PABPC4L: variants seen among roughly 807,000 people sequenced by gnomAD.
The protein encoded by PABPC4L is poly(A) binding protein cytoplasmic 4 like.
For missense variants in PABPC4L, 452 were observed against 451.4 expected, an observed-to-expected ratio of 1.00 and a Z score of -0.01; for synonymous variants, 169 against 164.1, an observed-to-expected ratio of 1.03 and a Z score of -0.23.
the PABPC4L span, among the ~76,000 whole-genome samples, chr4:134,002,758 CACA>C: frequency 1.3e-5 from 2 of 151,918 alleles, no homozygotes; most frequent in African/African-American, 4.8e-5. Context: ...AGTGCAATTA[CACA>C]ACAAGAGAAA....
the PABPC4L span, among the ~76,000 whole-genome samples, chr4:134,187,386 C>T: frequency 2.6e-5 from 4 of 151,896 alleles, no homozygotes; most frequent in African/African-American, 4.8e-5. Context: ...AGTTCATGTC[C>T]TTTGTAGGGA....
the PABPC4L span, among the ~76,000 whole-genome samples, chr4:134,168,030 T>C: frequency 6.6e-6 from 1 of 152,002 alleles, no homozygotes; most frequent in Non-Finnish European, 1.5e-5. Flanking sequence ...AGATAGTATA[T>C]GTGTTAGGCC....
At chr4:133,962,802 C>G in the PABPC4L span, among the ~76,000 whole-genome samples, 116 of 152,252 alleles carry the variant, frequency 7.6e-4, no homozygotes, top group Non-Finnish European at 1.1e-3. Context: ...CAAACAAATG[C>G]TGAGAAAATT....
the PABPC4L span, among the ~76,000 whole-genome samples, chr4:134,144,639 C>T: frequency 6.7e-6 from 1 of 149,894 alleles, no homozygotes. Flanking sequence ...TTTAAACCTA[C>T]TATAAACTAG....
chr4:133,979,531 A>G, the PABPC4L span, among the ~76,000 whole-genome samples: 3 of 152,244 alleles, frequency 2.0e-5, no homozygotes, highest in South Asian at 4.1e-4. Context: ...AAGCTTCTTC[A>G]CTATAGGACT....
chr4:134,106,048 T>A, the PABPC4L span, among the ~76,000 whole-genome samples: 3,790 of 151,784 alleles, frequency 0.025, 138 homozygotes, highest in African/African-American at 0.085. Flanking sequence ...CTTCTTTAGA[T>A]GAATTCCTTA....
the PABPC4L span, among the ~76,000 whole-genome samples, chr4:134,158,076 G>A: frequency 9.6e-3 from 1,463 of 151,830 alleles, 10 homozygotes; most frequent in Non-Finnish European, 0.016. Flanking sequence ...ACTTTTTCAA[G>A]TTCTATTGTT....
chr4:134,195,718 A>G (rs1490066148), downstream of PABPC4L, among the ~76,000 whole-genome samples: 12 of 151,654 alleles, frequency 7.9e-5, no homozygotes, highest in African/African-American at 2.9e-4. Flanking sequence ...GGCAACTACA[A>G]TTTAGTTCAG....
At chr4:134,099,735 G>A in the PABPC4L span, among the ~76,000 whole-genome samples, 1 of 151,500 alleles carries the variant, frequency 6.6e-6, no homozygotes, top group African/African-American at 2.4e-5. Context: ...TTACTACAGG[G>A]ATGTAATCCT....
chr4:134,033,952 A>C, the PABPC4L span, among the ~76,000 whole-genome samples: 2 of 152,016 alleles, frequency 1.3e-5, no homozygotes, highest in Non-Finnish European at 1.5e-5. Flanking sequence ...ATAGATTTTC[A>C]ATACATATAT....
the PABPC4L span, among the ~76,000 whole-genome samples, chr4:134,032,648 G>C: frequency 6.6e-6 from 1 of 151,784 alleles, no homozygotes; most frequent in Admixed American, 6.6e-5. Flanking sequence ...AAGAAGATAA[G>C]GCCTGGTATG....
chr4:134,013,871 C>G, the PABPC4L span, among the ~76,000 whole-genome samples: 1 of 151,916 alleles, frequency 6.6e-6, no homozygotes, highest in Non-Finnish European at 1.5e-5. Flanking sequence ...GGCTCCACTC[C>G]TCCACCCTAT....
At chr4:134,041,300 A>G in the PABPC4L span, among the ~76,000 whole-genome samples, 2 of 152,168 alleles carry the variant, frequency 1.3e-5, 1 homozygote, top group South Asian at 4.1e-4. Context: ...CACTGTTCAC[A>G]ATAGCAAAGA....
At chr4:133,955,032 CAT>C in the PABPC4L span, among the ~76,000 whole-genome samples, 3 of 151,794 alleles carry the variant, frequency 2.0e-5, no homozygotes, top group Non-Finnish European at 4.4e-5. Flanking sequence ...CTATTACAAA[CAT>C]AAATATTAAA....
At chr4:134,088,938 G>T in the PABPC4L span, among the ~76,000 whole-genome samples, 1 of 152,070 alleles carries the variant, frequency 6.6e-6, no homozygotes, top group South Asian at 2.1e-4. Context: ...GACTGGTGAA[G>T]AAATGTATTT....
In PABPC4L at chr4:134,199,750, A is replaced by G. The variant is rs982409936; in HGVS notation, c.*157T>C. On this transcript the variant is annotated 3_prime_UTR_variant, in exon 2 of 2. Transcript: ENST00000421491. ...TCCATCTATTTTTCCACAAAAGAAAAAAAATGGCTTTGTATAAAAAACGTT... is the reference window on the plus strand; with the variant it reads ...TCCATCTATTTTTCCACAAAAGAAAGAAAATGGCTTTGTATAAAAAACGTT... 3 of 947,356 alleles carry G rather than the reference A, an allele frequency of 3.2e-6. No homozygotes were observed. In the African/African-American group the frequency reaches 5.1e-5, roughly 16 times the overall value. 58.7% of individuals were successfully genotyped at this position (947,356 alleles called of 1,614,324 possible). A position where few individuals can be genotyped will look rare whatever the true frequency, so the allele number is the denominator to read the frequency against.
At chr4:133,973,257 CAAAG>C in the PABPC4L span, among the ~76,000 whole-genome samples, 3,032 of 151,438 alleles carry the variant, frequency 0.02, 102 homozygotes, top group African/African-American at 0.068. Flanking sequence ...TAAAAACAAA[CAAAG>C]AAAACAGGAA....
chr4:134,163,896 TG>T, the PABPC4L span, among the ~76,000 whole-genome samples: 1 of 152,054 alleles, frequency 6.6e-6, no homozygotes, highest in Non-Finnish European at 1.5e-5. Context: ...ATAGTTAACA[TG>T]GAAAAGTTGA....
the PABPC4L span, among the ~76,000 whole-genome samples, chr4:134,153,598 A>T: frequency 6.6e-6 from 1 of 151,980 alleles, no homozygotes; most frequent in East Asian, 1.9e-4. Context: ...TCCTCCCCAC[A>T]TTCAGTATTC....
Sources: gnomAD v4.1 joint callset for allele counts (sites outside exome capture counted in the v4.1 genomes callset) on GRCh38, gnomAD v4.1.1 for gene constraint, MANE v1.5 for transcripts, NCBI Gene and HGNC (gene_info 2026-07-23, HGNC 2026-07-21) for gene names.